The following TOGARAM1 variants were observed in gnomAD, a reference collection of about 807,000 sequenced individuals.
The protein encoded by TOGARAM1 is TOG array regulator of axonemal microtubules protein 1.
A neutral mutation model predicts 166.6 loss-of-function variants in TOGARAM1; 100 were observed. That is an observed-to-expected ratio of 0.60 (90% CI 0.51 to 0.71). The LOEUF is 0.71. Among genes scored for constraint, TOGARAM1 ranks in the 30% least tolerant of loss-of-function variants. The pLI is 0.00. For synonymous variants in TOGARAM1, 758 were observed against 763.8 expected (o/e 0.99, Z 0.13); for missense variants, 2,029 against 2,102.7 (o/e 0.96, Z 0.69).
intron 10 of TOGARAM1, among the ~76,000 whole-genome samples, chr14:45,028,579 C>A (rs563698575): frequency 6.6e-5 from 10 of 152,204 alleles, no homozygotes; most frequent in African/African-American, 7.2e-5. Context: ...TGGAAATATT[C>A]CTGTTTTACT....
Position 44,973,394 on chromosome 14 carries a change from C to T in TOGARAM1, c.2046+8927C>T, listed in dbSNP as rs142468409. ...AACAGAATATTTGTAATTTCTTCCT[C>T]CCTGTCACCTGTTTAATGCTGTCAT... is the stretch of plus-strand genomic sequence containing the variant. On this transcript the variant is annotated intron_variant, in intron 1 of 19. Transcript: ENST00000361462. Among the ~76,000 whole-genome samples, 782 of 152,006 alleles carry T rather than the reference C, an allele frequency of 5.1e-3. 26 individuals carry two copies. The highest frequency in any genetic ancestry group is 0.044 in the Admixed American group (671 of 15,262).
chr14:45,043,928 C>T (rs1413718727), intron 12 of TOGARAM1, 137 bp downstream of exon 12: 1 of 572,150 alleles, frequency 1.7e-6, no homozygotes. Context: ...TAAAGTAGTC[C>T]ATGTCTTAAT....
At chr14:45,004,779 A>G (rs1416485472) in intron 4 of TOGARAM1, among the ~76,000 whole-genome samples, 2 of 151,946 alleles carry the variant, frequency 1.3e-5, no homozygotes, top group Non-Finnish European at 2.9e-5. Context: ...TATAATGAAC[A>G]TGAACAACAT....
rs1229062976 is a variant in TOGARAM1, at chr14:45,045,557, A to G, written c.4154+687A>G. Among the ~76,000 whole-genome samples, 139 of 33,938 alleles carry G rather than the reference A, an allele frequency of 4.1e-3. 6 individuals carry two copies. The highest frequency in any genetic ancestry group is 0.024 in the East Asian group (24 of 988). The allele number at this position is 33,938 out of a possible 152,430, so 22.3% of individuals were successfully genotyped here. A position where few individuals can be genotyped will look rare whatever the true frequency, so the allele number is the denominator to read the frequency against. ...GGTCTGTGTGTGTATATATATATAT[A>G]TATATATATATATATATATATATAT... On this transcript the variant is annotated intron_variant, in intron 13 of 19. Transcript: ENST00000361462.
chr14:45,029,409 A>G (rs937098608), intron 10 of TOGARAM1, among the ~76,000 whole-genome samples: 2 of 152,212 alleles, frequency 1.3e-5, no homozygotes, highest in African/African-American at 4.8e-5. Flanking sequence ...ATTTTTGCCT[A>G]CAATGTAGGC....
chr14:45,004,441 A>G, intron 4 of TOGARAM1, 75 bp downstream of exon 4: 1 of 1,209,118 alleles, frequency 8.3e-7, no homozygotes, highest in Admixed American at 2.4e-5. Flanking sequence ...GGGCTGTTAG[A>G]TCTTTAAAAG....
Position 45,027,378 on chromosome 14 carries a change from T to G in TOGARAM1, c.3408T>G (p.Phe1136Leu). ...VISSVENGDTFSIKQSIEPPS... is the reference protein window; with the variant it reads ...VISSVENGDTLSIKQSIEPPS... ...CTTCTGTGGAAAATGGGGATACATT[T>G]TCAATTAAACAAAGTATTGAACCAC... Residue 1136 changes from phenylalanine to leucine, a missense_variant, in exon 9 of 20, where the codon TTT (phenylalanine) becomes TTG (leucine). Coordinates refer to ENST00000361462, the MANE Select transcript of TOGARAM1 (RefSeq NM_001308120.2). The G allele has an allele frequency of 6.2e-7, 1 of 1,613,766 alleles. No homozygotes were observed. The highest frequency in any genetic ancestry group is 8.5e-7 in the Non-Finnish European group (1 of 1,179,906).
intron 9 of TOGARAM1, 49 bp downstream of exon 9, chr14:45,027,523 C>T: frequency 6.9e-7 from 1 of 1,449,294 alleles, no homozygotes; most frequent in Non-Finnish European, 9.4e-7. Flanking sequence ...TACAGTATGT[C>T]ATTGTTTTGT....
At chr14:44,995,996 A>G (rs1887394653) in intron 2 of TOGARAM1, 94 bp downstream of exon 2, 1 of 967,396 alleles carries the variant, frequency 1.0e-6, no homozygotes, top group African/African-American at 1.7e-5. Flanking sequence ...TTAATCTAGT[A>G]GGCAGTTCAG....
intron 15 of TOGARAM1, 146 bp downstream of exon 15, chr14:45,052,708 C>T: frequency 3.0e-6 from 2 of 676,874 alleles, no homozygotes; most frequent in Non-Finnish European, 4.7e-6. Context: ...AGCATTTCAA[C>T]AATTACAATA....
chr14:45,058,723 C>T (rs1305145596), intron 16 of TOGARAM1, among the ~76,000 whole-genome samples: 1 of 152,104 alleles, frequency 6.6e-6, no homozygotes, highest in Non-Finnish European at 1.5e-5. Flanking sequence ...TTAAGTAGAG[C>T]ATTTAACCCA....
At chr14:44,988,262 C>T (rs114962601) in intron 1 of TOGARAM1, among the ~76,000 whole-genome samples, 2,842 of 152,074 alleles carry the variant, frequency 0.019, 33 homozygotes, top group African/African-American at 0.037. Context: ...AAAAAAAAAT[C>T]GTAAAAGCTT....
chr14:44,991,840 G>A (rs1032225711), intron 1 of TOGARAM1, among the ~76,000 whole-genome samples: 3 of 151,266 alleles, frequency 2.0e-5, no homozygotes, highest in African/African-American at 7.3e-5. Flanking sequence ...AATAATTTAA[G>A]TTTATATCTT....
At chr14:45,014,121 C>G (rs1879978082) in intron 7 of TOGARAM1, among the ~76,000 whole-genome samples, 1 of 150,322 alleles carries the variant, frequency 6.7e-6, no homozygotes, top group South Asian at 2.1e-4. Context: ...TCTCAGCTCA[C>G]TGCAAGCTCC....
intron 1 of TOGARAM1, among the ~76,000 whole-genome samples, chr14:44,965,283 T>C (rs1430320426): frequency 1.3e-5 from 2 of 152,228 alleles, no homozygotes; most frequent in Non-Finnish European, 2.9e-5. Context: ...TTCAATAATA[T>C]GTAACAGACA....
At position 45,006,217 on chromosome 14, in the gene TOGARAM1, A is replaced by AT; in HGVS notation, c.2856dup (p.Asp953Ter). 1 of 1,613,412 alleles carries AT rather than the reference A, an allele frequency of 6.2e-7. No individual in the cohort carries two copies. The highest frequency in any genetic ancestry group is 8.5e-7 in the Non-Finnish European group (1 of 1,179,422). On this transcript the variant is annotated frameshift_variant, in exon 5 of 20. Transcript: ENST00000361462. LOFTEE classifies it high-confidence loss of function. ...GAAGTGTGAAAAAGATAGTCTTCCA[A>AT]TTGATCTTTCAGAATTAAATTTCAA...
chr14:44,999,531 C>T, intron 3 of TOGARAM1, 34 bp downstream of exon 3: 2 of 1,531,202 alleles, frequency 1.3e-6, no homozygotes, highest in South Asian at 1.3e-5. Flanking sequence ...AAACAAATGA[C>T]TTATAAATAT....
intron 8 of TOGARAM1, among the ~76,000 whole-genome samples, 193 bp downstream of exon 8, chr14:45,026,065 T>C (rs890519356): frequency 6.6e-6 from 1 of 152,202 alleles, no homozygotes; most frequent in Admixed American, 6.5e-5. Flanking sequence ...AATGAAACTA[T>C]AGTAAATTCA....
intron 4 of TOGARAM1, among the ~76,000 whole-genome samples, chr14:45,004,860 A>G (rs1427285266): frequency 1.3e-5 from 2 of 152,224 alleles, no homozygotes; most frequent in East Asian, 1.9e-4. Context: ...GCTTATTGCA[A>G]TTAATGCCTA....
Sources: allele counts gnomAD v4.1 joint callset (sites outside exome capture counted in the v4.1 genomes callset), GRCh38; gene constraint gnomAD v4.1.1; transcripts MANE v1.5; gene names NCBI Gene and HGNC (gene_info 2026-07-23, HGNC 2026-07-21).